PRKAR2A: variants seen among roughly 807,000 people sequenced by gnomAD.
The protein encoded by PRKAR2A is cAMP-dependent protein kinase type II-alpha regulatory subunit.
In PRKAR2A, 29 loss-of-function variants were observed where a neutral mutation model predicts 51.9. The observed-to-expected ratio is 0.56, with a 90% CI of 0.42 to 0.76. The LOEUF (loss-of-function observed/expected upper bound fraction) is 0.76. Ranked by LOEUF, PRKAR2A falls within the 30% of genes least tolerant of loss-of-function variation. PRKAR2A has a pLI of 0.00. For synonymous variants in PRKAR2A, 178 were observed against 186.2 expected, an observed-to-expected ratio of 0.96 and a Z score of 0.36; for missense variants, 445 against 512.1, an observed-to-expected ratio of 0.87 and a Z score of 1.26.
At chr3:48,759,534 C>T (rs1452603957) in intron 8 of PRKAR2A, among the ~76,000 whole-genome samples, 2 of 152,100 alleles carry the variant, frequency 1.3e-5, no homozygotes, top group African/African-American at 2.4e-5. Flanking sequence ...TTTACAGGCA[C>T]GTGCCACCAC....
At chr3:48,840,524 AT>A (rs1384716650) in intron 1 of PRKAR2A, among the ~76,000 whole-genome samples, 1 of 128,460 alleles carries the variant, frequency 7.8e-6, no homozygotes, top group East Asian at 2.3e-4. Context: ...TTGTTTATCC[AT>A]TCATTTATGG....
chr3:48,821,744 TG>T (rs2082964752), intron 1 of PRKAR2A, among the ~76,000 whole-genome samples: 1 of 142,452 alleles, frequency 7.0e-6, no homozygotes, highest in African/African-American at 2.6e-5. Context: ...GGTGAAACCC[TG>T]TCTCTACTAA....
intron 2 of PRKAR2A, among the ~76,000 whole-genome samples, chr3:48,800,864 A>G (rs905418781): frequency 1.8e-4 from 27 of 151,956 alleles, no homozygotes; most frequent in African/African-American, 6.0e-4. Context: ...TAGTAGAGAC[A>G]GGGTTTCACC....
At chr3:48,787,917 G>C (rs1476676747) in intron 4 of PRKAR2A, among the ~76,000 whole-genome samples, 3 of 152,180 alleles carry the variant, frequency 2.0e-5, no homozygotes, top group African/African-American at 7.2e-5. Flanking sequence ...TAGGAGCTGG[G>C]TAACAGAGGA....
intron 1 of PRKAR2A, among the ~76,000 whole-genome samples, chr3:48,816,649 A>C (rs2082879798): frequency 6.6e-6 from 1 of 152,070 alleles, no homozygotes; most frequent in Admixed American, 6.6e-5. Flanking sequence ...AAAAAAGAAA[A>C]AATTTACTAA....
intron 8 of PRKAR2A, among the ~76,000 whole-genome samples, chr3:48,760,293 G>GTACA (rs1483226208): frequency 1.3e-5 from 2 of 152,152 alleles, no homozygotes; most frequent in African/African-American, 4.8e-5. Flanking sequence ...GGAGGTGGAG[G>GTACA]TTGTAGTCAG....
intron 4 of PRKAR2A, among the ~76,000 whole-genome samples, chr3:48,784,235 C>T (rs2082251832): frequency 6.6e-6 from 1 of 152,092 alleles, no homozygotes; most frequent in Admixed American, 6.6e-5. Flanking sequence ...AAAAAAGAGA[C>T]TTTCTCTTTG....
intron 5 of PRKAR2A, 104 bp from the exon 6 acceptor site, chr3:48,773,212 T>C: frequency 1.1e-6 from 1 of 934,822 alleles, no homozygotes; most frequent in Non-Finnish European, 1.6e-6. Flanking sequence ...AGATTTCCAA[T>C]GGAACTTTGC....
Position 48,792,172 on chromosome 3 carries a change from C to T in PRKAR2A, c.352-1545G>A, listed in dbSNP as rs138455724. Among the ~76,000 whole-genome samples the T allele has an allele frequency of 3.7e-3, 561 of 151,480 alleles. 6 individuals carry two copies. Among genetic ancestry groups the T allele is most frequent in the African/African-American group, 0.013 (529 of 41,356 alleles). On this transcript the variant is annotated intron_variant, in intron 3 of 10. Coordinates refer to ENST00000265563, the MANE Select transcript of PRKAR2A (RefSeq NM_004157.4). ...TGGTTTTTTTTTTGAGATGGAGTCT[C>T]GCTCTGTTGCCCAGGTTGGAGTGCA... is the stretch of plus-strand genomic sequence containing the variant.
At chr3:48,817,569 C>T (rs753057382) in intron 1 of PRKAR2A, among the ~76,000 whole-genome samples, 2 of 151,480 alleles carry the variant, frequency 1.3e-5, no homozygotes, top group Non-Finnish European at 2.9e-5. Context: ...ATTGCTTGAA[C>T]CCGGCGGGTG....
At chr3:48,764,861 G>A (rs2081915097) in intron 8 of PRKAR2A, 143 bp downstream of exon 8, 1 of 657,936 alleles carries the variant, frequency 1.5e-6, no homozygotes, top group African/African-American at 1.8e-5. Context: ...CTGGCCTCAA[G>A]TGATCCACCT....
intron 2 of PRKAR2A, among the ~76,000 whole-genome samples, chr3:48,801,055 T>C (rs1008368707): frequency 6.6e-6 from 1 of 152,172 alleles, no homozygotes; most frequent in Non-Finnish European, 1.5e-5. Flanking sequence ...AATCTTGGCT[T>C]ACTGCAAACT....
chr3:48,826,043 AC>A (rs1319215971), intron 1 of PRKAR2A, among the ~76,000 whole-genome samples: 1 of 152,180 alleles, frequency 6.6e-6, no homozygotes, highest in Non-Finnish European at 1.5e-5. Flanking sequence ...CAGCACGATC[AC>A]TGGAGCCCAG....
At chr3:48,775,307 G>A (rs1024300543) in intron 5 of PRKAR2A, among the ~76,000 whole-genome samples, 6 of 151,292 alleles carry the variant, frequency 4.0e-5, no homozygotes, top group South Asian at 2.1e-4. Context: ...GGCGGGTAGC[G>A]GGTGCCTGTA....
intron 2 of PRKAR2A, 78 bp from the exon 3 acceptor site, chr3:48,794,127 A>C: frequency 9.3e-7 from 1 of 1,080,004 alleles, no homozygotes; most frequent in Non-Finnish European, 1.3e-6. Context: ...AGTGAACTCA[A>C]TTTTCTTTTA....
rs1575909865 is a variant in PRKAR2A at position 48,807,627 on chromosome 3, T to C, written c.298+22A>G. Reference sequence around the variant, plus strand: ...ATCTTAAAATAACATTTTAGAAGTATGTTATGAAATAGAACACATACCTGA... The same window carrying C: ...ATCTTAAAATAACATTTTAGAAGTACGTTATGAAATAGAACACATACCTGA... On this transcript the variant is annotated intron_variant, in intron 2 of 10. Coordinates refer to ENST00000265563, the MANE Select transcript of PRKAR2A (RefSeq NM_004157.4). 10 of 1,517,472 alleles carry C rather than the reference T, an allele frequency of 6.6e-6. No homozygotes were observed. The East Asian group carries it at 2.3e-4, about 34-fold the overall frequency. The allele number at this position is 1,517,472 out of a possible 1,614,324, so 94.0% of individuals were successfully genotyped here.
At chr3:48,763,810 T>C (rs1342621609) in intron 8 of PRKAR2A, among the ~76,000 whole-genome samples, 2 of 152,208 alleles carry the variant, frequency 1.3e-5, no homozygotes, top group African/African-American at 4.8e-5. Flanking sequence ...GCTTATCATA[T>C]CTGGTCCTAC....
At position 48,834,872 on chromosome 3, in the gene PRKAR2A, T is replaced by C. The variant is rs144347380; in HGVS notation, c.262+12463A>G. On this transcript the variant is annotated intron_variant, in intron 1 of 10. Transcript: ENST00000265563. Reference sequence around the variant, plus strand: ...AACTAATAAAAAATAGACAAAAGACTTGAATAGACTTTTCTACCAAAAAAA... The same window carrying C: ...AACTAATAAAAAATAGACAAAAGACCTGAATAGACTTTTCTACCAAAAAAA... 4.0e-4 allele frequency among the ~76,000 whole-genome samples: 60 copies of C among 151,708 alleles called. No individual in the cohort carries two copies. In the East Asian group the frequency reaches 0.01, roughly 26 times the overall value.
intron 6 of PRKAR2A, among the ~76,000 whole-genome samples, chr3:48,768,200 G>A (rs1403850339): frequency 6.6e-6 from 1 of 151,498 alleles, no homozygotes; most frequent in Non-Finnish European, 1.5e-5. Context: ...AGGCAGAGGT[G>A]GGAGGATTGC....
Sources: gnomAD v4.1 joint callset for allele counts (sites outside exome capture counted in the v4.1 genomes callset) on GRCh38, gnomAD v4.1.1 for gene constraint, MANE v1.5 for transcripts, NCBI Gene and HGNC (gene_info 2026-07-23, HGNC 2026-07-21) for gene names.